SNTG1: variants seen among roughly 807,000 people sequenced by gnomAD.
SNTG1 encodes the protein gamma-1-syntrophin.
A neutral mutation model predicts 74.7 loss-of-function variants in SNTG1; 39 were observed. The observed-to-expected ratio is 0.52, with a 90% CI of 0.40 to 0.68. SNTG1 has a LOEUF of 0.68. Ranked by LOEUF, SNTG1 falls within the 30% of genes least tolerant of loss-of-function variation. SNTG1 has a pLI of 0.00. For missense variants in SNTG1, 685 were observed against 609.5 expected (o/e 1.12, Z -1.30); for synonymous variants, 254 against 217.1 (o/e 1.17, Z -1.49).
At chr8:50,032,431 A>G (rs904510803) in intron 1 of SNTG1, among the ~76,000 whole-genome samples, 3 of 152,036 alleles carry the variant, frequency 2.0e-5, no homozygotes, top group Non-Finnish European at 2.9e-5. Flanking sequence ...TTAGAGTGCT[A>G]TAGTTTAGAA....
chr8:50,053,388 C>A (rs968087541), intron 1 of SNTG1, among the ~76,000 whole-genome samples: 8 of 151,762 alleles, frequency 5.3e-5, no homozygotes, highest in African/African-American at 1.9e-4. Context: ...AATAAGCTAA[C>A]CCATAGAAAT....
intron 17 of SNTG1, among the ~76,000 whole-genome samples, chr8:50,711,763 G>C (rs1332613809): frequency 1.3e-5 from 2 of 152,132 alleles, no homozygotes; most frequent in African/African-American, 2.4e-5. Context: ...ATTTACATTA[G>C]TAGCATATCA....
chr8:50,589,584 T>A (rs2094678319), intron 12 of SNTG1, among the ~76,000 whole-genome samples: 1 of 138,378 alleles, frequency 7.2e-6, no homozygotes, highest in African/African-American at 3.4e-5. Context: ...AGACTATTTT[T>A]CAGATTAAAA....
At chr8:50,118,551 A>G (rs73573556) in intron 1 of SNTG1, among the ~76,000 whole-genome samples, 12,191 of 99,738 alleles carry the variant, frequency 0.12, 2,751 homozygotes, top group African/African-American at 0.35. Flanking sequence ...GACTCTGGAC[A>G]CATAGCTAAC....
chr8:50,629,922 A>G (rs2094984695), intron 13 of SNTG1, among the ~76,000 whole-genome samples: 1 of 152,192 alleles, frequency 6.6e-6, no homozygotes, highest in Non-Finnish European at 1.5e-5. Flanking sequence ...TGCTGCTTCG[A>G]TATTATAAAT....
At chr8:50,511,088 T>C (rs756614398) in intron 9 of SNTG1, among the ~76,000 whole-genome samples, 46 of 152,240 alleles carry the variant, frequency 3.0e-4, no homozygotes, top group Non-Finnish European at 5.6e-4. Context: ...CAGCTTTGAA[T>C]GTGTCCCAAA....
intron 1 of SNTG1, among the ~76,000 whole-genome samples, chr8:50,080,404 T>C (rs1354938299): frequency 2.0e-5 from 3 of 152,202 alleles, no homozygotes; most frequent in Non-Finnish European, 2.9e-5. Flanking sequence ...CTTACATTTT[T>C]ATCAAGACTG....
chr8:50,156,430 CAT>C (rs2082256863), intron 1 of SNTG1, among the ~76,000 whole-genome samples: 1 of 151,976 alleles, frequency 6.6e-6, no homozygotes, highest in Non-Finnish European at 1.5e-5. Context: ...AAGGATAACA[CAT>C]GTTGGCCACA....
intron 13 of SNTG1, among the ~76,000 whole-genome samples, chr8:50,627,946 A>C (rs2094967910): frequency 6.6e-6 from 1 of 152,178 alleles, no homozygotes; most frequent in Admixed American, 6.5e-5. Flanking sequence ...TTAATGATCA[A>C]CCCAACCTTC....
intron 1 of SNTG1, among the ~76,000 whole-genome samples, chr8:50,100,961 T>G (rs2080099783): frequency 6.6e-6 from 1 of 152,014 alleles, no homozygotes; most frequent in Admixed American, 6.6e-5. Flanking sequence ...TATTCCCTGG[T>G]GTCTGTTATT....
chr8:50,642,892 T>G (rs1231588585), intron 13 of SNTG1, among the ~76,000 whole-genome samples: 1 of 152,200 alleles, frequency 6.6e-6, no homozygotes. Context: ...TCTATTTGGT[T>G]TCCTGCTGTG....
intron 2 of SNTG1, among the ~76,000 whole-genome samples, chr8:50,385,217 T>C (rs1159282848): frequency 3.9e-5 from 6 of 152,188 alleles, no homozygotes; most frequent in Admixed American, 2.0e-4. Flanking sequence ...TCTCCTGTTC[T>C]GGACCCCACT....
At chr8:50,691,977 T>A (rs1011481719) in intron 15 of SNTG1, among the ~76,000 whole-genome samples, 3 of 152,196 alleles carry the variant, frequency 2.0e-5, no homozygotes, top group African/African-American at 7.2e-5. Context: ...TAAACTTCTC[T>A]TCTCACTTCA....
chr8:50,287,829 T>A (rs1168902688), intron 2 of SNTG1, among the ~76,000 whole-genome samples: 1 of 152,106 alleles, frequency 6.6e-6, no homozygotes, highest in Non-Finnish European at 1.5e-5. Flanking sequence ...TACCATGTTT[T>A]AAAAAAATAC....
At chr8:50,502,648 T>G (rs1204537056) in intron 8 of SNTG1, 130 bp from the exon 9 acceptor site, 7 of 680,764 alleles carry the variant, frequency 1.0e-5, no homozygotes, top group Non-Finnish European at 1.5e-5. Context: ...TCCCTCTATC[T>G]TTTATAAAAT....
intron 1 of SNTG1, among the ~76,000 whole-genome samples, chr8:50,157,030 T>C (rs2082275616): frequency 1.3e-5 from 2 of 152,116 alleles, no homozygotes; most frequent in Admixed American, 6.5e-5. Context: ...ATCAAATGAA[T>C]AGATAAGCAA....
intron 1 of SNTG1, among the ~76,000 whole-genome samples, chr8:50,007,396 AG>A (rs1397939742): frequency 2.0e-5 from 3 of 151,870 alleles, no homozygotes; most frequent in Non-Finnish European, 4.4e-5. Context: ...GGGGAGGAGG[AG>A]GGAGAGATAG....
At chr8:50,611,196 C>T (rs994591113) in intron 13 of SNTG1, among the ~76,000 whole-genome samples, 1 of 152,090 alleles carries the variant, frequency 6.6e-6, no homozygotes, top group Admixed American at 6.6e-5. Flanking sequence ...GGCAAAGGGT[C>T]CTGTTCCAAC....
At chr8:50,543,457 T>C (rs1756093178) in intron 11 of SNTG1, among the ~76,000 whole-genome samples, 2 of 151,886 alleles carry the variant, frequency 1.3e-5, no homozygotes, top group Admixed American at 1.3e-4. Context: ...GTTGTTGTTG[T>C]TGTTGCTGTT....
Sources: gnomAD v4.1 joint callset for allele counts (sites outside exome capture counted in the v4.1 genomes callset) on GRCh38, gnomAD v4.1.1 for gene constraint, MANE v1.5 for transcripts, NCBI Gene and HGNC (gene_info 2026-07-23, HGNC 2026-07-21) for gene names.